The following FGF14 variants were observed in gnomAD, a reference collection of about 807,000 sequenced individuals.
FGF14 encodes the protein fibroblast growth factor 14, also known as fibroblast growth factor homologous factor 4.
Under a neutral mutation model 25.5 loss-of-function variants are expected in FGF14, and 5 were observed. The observed-to-expected ratio is 0.20, with a 90% CI of 0.10 to 0.41. The LOEUF is 0.41. FGF14 is among the 10% of genes least tolerant of loss of function. The pLI, the probability that FGF14 is intolerant of heterozygous loss-of-function variation, is 1.00. For missense variants in FGF14, 222 were observed against 320.1 expected (o/e 0.69, Z 2.34); for synonymous variants, 138 against 118.3 (o/e 1.17, Z -1.08).
intron 1 of FGF14, among the ~76,000 whole-genome samples, chr13:101,885,249 C>T (rs1443298075): frequency 6.6e-6 from 1 of 152,034 alleles, no homozygotes; most frequent in Admixed American, 6.6e-5. Flanking sequence ...CAGTTGTTTT[C>T]TTTCAATTTT....
At chr13:101,929,519 G>A (rs2034604915) in intron 1 of FGF14, among the ~76,000 whole-genome samples, 1 of 152,132 alleles carries the variant, frequency 6.6e-6, no homozygotes, top group South Asian at 2.1e-4. Flanking sequence ...AACCAGCTGA[G>A]GTAATAAACA....
At chr13:102,372,348 AG>A (rs1358094386) in intron 1 of FGF14, among the ~76,000 whole-genome samples, 2 of 152,186 alleles carry the variant, frequency 1.3e-5, no homozygotes, top group Non-Finnish European at 2.9e-5. Flanking sequence ...GCAACATCTG[AG>A]GCCTATTTAT....
At chr13:102,323,959 G>GTA (rs1419260853) in intron 1 of FGF14, among the ~76,000 whole-genome samples, 169 of 31,318 alleles carry the variant, frequency 5.4e-3, no homozygotes, top group South Asian at 0.054. Context: ...CGTGCAGTAT[G>GTA]TGTGTGTGTG....
At chr13:101,972,164 A>G (rs1365118860) in intron 1 of FGF14, among the ~76,000 whole-genome samples, 1 of 152,246 alleles carries the variant, frequency 6.6e-6, no homozygotes, top group Non-Finnish European at 1.5e-5. Flanking sequence ...CATGCTTTAA[A>G]TAAATGTGGT....
At chr13:101,828,526 A>G (rs944228308) in intron 3 of FGF14, among the ~76,000 whole-genome samples, 2 of 148,964 alleles carry the variant, frequency 1.3e-5, no homozygotes, top group Admixed American at 6.7e-5. Context: ...GTTTGAGTTT[A>G]CCTGATAATC....
intron 1 of FGF14, among the ~76,000 whole-genome samples, chr13:102,115,803 T>C (rs686126): frequency 0.53 from 80,690 of 151,562 alleles, 22,894 homozygotes; most frequent in East Asian, 0.75. Context: ...ATGTAACAAA[T>C]GAACCAAAAA....
At position 102,341,282 on chromosome 13, in the gene FGF14, T is replaced by C. The variant is rs1462840877; in HGVS notation, c.208+60189A>G. On this transcript the variant is annotated intron_variant, in intron 1 of 4. Coordinates refer to the FGF14 transcript ENST00000376131. ...AGAAGAGTAAGAGGACAATTATTTA[T>C]GCAAATAAAAAAGAAAGAAAAATCA... Among the ~76,000 whole-genome samples the C allele has an allele frequency of 2.0e-5, 3 of 152,152 alleles. No individual in the cohort carries two copies. In the South Asian group the frequency reaches 6.2e-4, roughly 32 times the overall value.
At chr13:102,161,034 T>C (rs1170482043) in intron 1 of FGF14, among the ~76,000 whole-genome samples, 1 of 151,990 alleles carries the variant, frequency 6.6e-6, no homozygotes, top group Admixed American at 6.6e-5. Flanking sequence ...CAAATCAATA[T>C]GGAAAAAATA....
At chr13:102,156,214 G>T (rs375809956) in intron 1 of FGF14, among the ~76,000 whole-genome samples, 1 of 152,092 alleles carries the variant, frequency 6.6e-6, no homozygotes, top group Non-Finnish European at 1.5e-5. Context: ...AAAAAAAAGA[G>T]AATTTTAGAC....
chr13:101,966,367 G>A (rs567010614), intron 1 of FGF14, among the ~76,000 whole-genome samples: 3 of 152,328 alleles, frequency 2.0e-5, no homozygotes, highest in African/African-American at 7.2e-5. Flanking sequence ...ATGGCCACTT[G>A]CAGAAACTAG....
intron 3 of FGF14, among the ~76,000 whole-genome samples, chr13:101,786,597 A>G (rs1480162635): frequency 6.6e-6 from 1 of 151,896 alleles, no homozygotes; most frequent in Non-Finnish European, 1.5e-5. Context: ...TCTGTGTCCT[A>G]ATTTCCTCTT....
intron 1 of FGF14, among the ~76,000 whole-genome samples, chr13:102,006,802 T>C (rs972190665): frequency 7.8e-5 from 10 of 127,436 alleles, no homozygotes; most frequent in African/African-American, 2.7e-4. Context: ...CGGACTGCAG[T>C]GGCGCAATCT....
intron 1 of FGF14, among the ~76,000 whole-genome samples, chr13:102,315,863 C>T (rs185617304): frequency 7.2e-5 from 11 of 152,258 alleles, no homozygotes; most frequent in Admixed American, 7.2e-4. Flanking sequence ...CAAATTACTC[C>T]TTTTTACAAT....
intron 1 of FGF14, among the ~76,000 whole-genome samples, chr13:102,383,910 A>C (rs146462269): frequency 0.013 from 2,013 of 152,290 alleles, 22 homozygotes; most frequent in Non-Finnish European, 0.021. Flanking sequence ...AATGTTACAA[A>C]AAATTTTAAT....
chr13:102,134,244 G>T (rs953347031), intron 1 of FGF14, among the ~76,000 whole-genome samples: 1 of 152,130 alleles, frequency 6.6e-6, no homozygotes. Context: ...TCAGGCTCTA[G>T]GTTATTTCAG....
chr13:102,352,613 C>G (rs930436810), intron 1 of FGF14, among the ~76,000 whole-genome samples: 1 of 151,976 alleles, frequency 6.6e-6, no homozygotes, highest in Non-Finnish European at 1.5e-5. Flanking sequence ...GAGATCGAGA[C>G]CATTCTGGCT....
At chr13:102,037,317 T>A (rs925207012) in intron 1 of FGF14, among the ~76,000 whole-genome samples, 1 of 152,164 alleles carries the variant, frequency 6.6e-6, no homozygotes, top group African/African-American at 2.4e-5. Context: ...TGTTCCTTCC[T>A]GGAGTCTCTA....
intron 1 of FGF14, chr13:102,262,937 C>A: frequency 2.5e-6 from 1 of 401,288 alleles, no homozygotes; most frequent in South Asian, 3.4e-5. Flanking sequence ...CCCAACAAAA[C>A]ATGTCCAACT....
chr13:101,868,373 TTC>T (rs1259954354), intron 3 of FGF14: 11 of 213,228 alleles, frequency 5.2e-5, no homozygotes, highest in African/African-American at 9.4e-5. Context: ...CCTTTTACTT[TTC>T]TCTTTTTTTA....
Sources: allele counts gnomAD v4.1 joint callset (sites outside exome capture counted in the v4.1 genomes callset), GRCh38; gene constraint gnomAD v4.1.1; transcripts MANE v1.5; gene names NCBI Gene and HGNC (gene_info 2026-07-23, HGNC 2026-07-21).